Variants in LARGE1 observed in about 807,000 individuals in gnomAD.
LARGE1 encodes xylosyl- and glucuronyltransferase LARGE1.
In LARGE1, 43 loss-of-function variants were observed where a neutral mutation model predicts 87.6. That is an observed-to-expected ratio of 0.49 (90% CI 0.38 to 0.63). LARGE1 has a LOEUF of 0.63. LARGE1 is among the 30% of genes least tolerant of loss of function. LARGE1 has a pLI of 0.00. For missense variants in LARGE1, 802 were observed against 1,000.2 expected (o/e 0.80, Z 2.67); for synonymous variants, 434 against 394.6 (o/e 1.10, Z -1.18).
At chr22:33,746,854 G>A (rs1284629386) in intron 2 of LARGE1, among the ~76,000 whole-genome samples, 2 of 152,038 alleles carry the variant, frequency 1.3e-5, no homozygotes, top group African/African-American at 4.8e-5. Context: ...GAGGAGGAGG[G>A]GGCGCTGAGA....
chr22:33,678,246 C>T (rs751680529), intron 2 of LARGE1, among the ~76,000 whole-genome samples: 27 of 152,200 alleles, frequency 1.8e-4, no homozygotes, highest in Non-Finnish European at 3.4e-4. Context: ...TAAAGGGATA[C>T]TATTTCCACA....
chr22:33,482,180 A>G (rs1569202254), intron 6 of LARGE1, among the ~76,000 whole-genome samples: 1 of 152,236 alleles, frequency 6.6e-6, no homozygotes, highest in African/African-American at 2.4e-5. Context: ...GGTCAAAAGC[A>G]GGAGTCTTGG....
At chr22:33,823,238 T>G (rs918552736) in intron 1 of LARGE1, among the ~76,000 whole-genome samples, 1 of 152,190 alleles carries the variant, frequency 6.6e-6, no homozygotes, top group African/African-American at 2.4e-5. Context: ...GCACATACCT[T>G]GGCTGCCCAA....
intron 7 of LARGE1, among the ~76,000 whole-genome samples, chr22:33,423,586 G>A (rs1469920927): frequency 2.0e-5 from 3 of 151,410 alleles, no homozygotes; most frequent in East Asian, 2.0e-4. Context: ...AGGCTGAGGC[G>A]CGGGAATGGC....
At chr22:33,785,211 G>GTATATATACATATA (rs1204814758) in intron 1 of LARGE1, among the ~76,000 whole-genome samples, 28 of 149,580 alleles carry the variant, frequency 1.9e-4, no homozygotes, top group African/African-American at 5.5e-4. Flanking sequence ...ACATACATAT[G>GTATATATACATATA]TGTATATACA....
chr22:33,464,927 G>A (rs4820105), intron 6 of LARGE1, among the ~76,000 whole-genome samples: 41,117 of 150,556 alleles, frequency 0.27, 6,493 homozygotes, highest in African/African-American at 0.44. Context: ...ACACATACAT[G>A]CACGTACACA....
At chr22:33,570,646 CAAAAAAAA>C (rs10590542) in intron 5 of LARGE1, among the ~76,000 whole-genome samples, 32 of 80,882 alleles carry the variant, frequency 4.0e-4, no homozygotes, top group African/African-American at 1.6e-3. Context: ...GACTCCATTT[CAAAAAAAA>C]AAAAAAAAAA....
chr22:33,554,714 C>T (rs1409464626), intron 6 of LARGE1, among the ~76,000 whole-genome samples: 2 of 152,206 alleles, frequency 1.3e-5, no homozygotes, highest in Non-Finnish European at 2.9e-5. Flanking sequence ...CCCCACACAT[C>T]AGCCAAAGGG....
At chr22:33,469,911 A>G (rs1294480506) in intron 6 of LARGE1, among the ~76,000 whole-genome samples, 1 of 130,452 alleles carries the variant, frequency 7.7e-6, no homozygotes. Flanking sequence ...TTTTTCTGAC[A>G]CGGAGTCTCG....
At chr22:33,505,281 C>T (rs1004755894) in intron 6 of LARGE1, among the ~76,000 whole-genome samples, 1 of 152,210 alleles carries the variant, frequency 6.6e-6, no homozygotes, top group African/African-American at 2.4e-5. Context: ...GTAGCCTCTG[C>T]AGAGGCTGGG....
chr22:33,746,913 G>T (rs574473474), intron 2 of LARGE1, among the ~76,000 whole-genome samples: 2 of 152,136 alleles, frequency 1.3e-5, no homozygotes, highest in Admixed American at 6.5e-5. Context: ...TCTCAAGTGG[G>T]CCAGAAGAGA....
chr22:33,720,305 C>A (rs1027384581), intron 2 of LARGE1, among the ~76,000 whole-genome samples: 1 of 152,088 alleles, frequency 6.6e-6, no homozygotes, highest in East Asian at 1.9e-4. Flanking sequence ...GCCGATCTGA[C>A]AGGAGGCGGA....
chr22:33,844,758 T>C (rs889370032), intron 1 of LARGE1, among the ~76,000 whole-genome samples: 2 of 151,884 alleles, frequency 1.3e-5, no homozygotes, highest in Non-Finnish European at 2.9e-5. Context: ...TTGGCTCTTG[T>C]TGCCCAGGCT....
chr22:33,913,082 T>C (rs1245304403), intron 1 of LARGE1, among the ~76,000 whole-genome samples: 1 of 152,154 alleles, frequency 6.6e-6, no homozygotes, highest in African/African-American at 2.4e-5. Flanking sequence ...TCCCCCCACC[T>C]CGGCCTCCCA....
intron 5 of LARGE1, among the ~76,000 whole-genome samples, chr22:33,565,926 A>C (rs1036417167): frequency 2.0e-5 from 3 of 152,206 alleles, no homozygotes; most frequent in Admixed American, 6.5e-5. Flanking sequence ...TCATTTATGA[A>C]GATCACTGTG....
At chr22:33,915,530 A>T (rs575290118) in intron 1 of LARGE1, among the ~76,000 whole-genome samples, 1 of 152,314 alleles carries the variant, frequency 6.6e-6, no homozygotes, top group South Asian at 2.1e-4. Flanking sequence ...TCATGTACAC[A>T]AGAGGGCAGA....
intron 11 of LARGE1, among the ~76,000 whole-genome samples, chr22:33,186,177 C>T (rs115574116): frequency 7.0e-4 from 107 of 152,112 alleles, no homozygotes; most frequent in African/African-American, 2.4e-3. Context: ...TTTTATAATG[C>T]CAGAATAATA....
At chr22:33,412,905 C>A (rs1343013565) in intron 7 of LARGE1, among the ~76,000 whole-genome samples, 1 of 152,248 alleles carries the variant, frequency 6.6e-6, no homozygotes, top group East Asian at 1.9e-4. Flanking sequence ...AGGTGATCTA[C>A]CCGCCTTGGC....
chr22:33,124,779 A>T, the LARGE1 span, among the ~76,000 whole-genome samples: 5 of 152,160 alleles, frequency 3.3e-5, no homozygotes, highest in Non-Finnish European at 5.9e-5. Flanking sequence ...AGGCAGGAAG[A>T]TTGCTTGAGC....
Sources: gnomAD v4.1 joint callset for allele counts (sites outside exome capture counted in the v4.1 genomes callset) on GRCh38, gnomAD v4.1.1 for gene constraint, MANE v1.5 for transcripts, NCBI Gene and HGNC (gene_info 2026-07-23, HGNC 2026-07-21) for gene names.